The following GAREM1 variants were observed in gnomAD, a reference collection of about 807,000 sequenced individuals.
GAREM1 encodes the protein GRB2 associated regulator of MAPK1 subtype 1.
In GAREM1, 26 loss-of-function variants were observed where a neutral mutation model predicts 71.3. The ratio of observed to expected loss-of-function variants is 0.36; its 90% CI spans 0.27 to 0.51. The LOEUF (loss-of-function observed/expected upper bound fraction) is 0.51, where lower values mean the gene tolerates loss of function less well. Ranked by LOEUF, GAREM1 falls within the 20% of genes least tolerant of loss-of-function variation. The probability of loss-of-function intolerance (pLI) is 0.95; values close to 1 mark genes in which losing one functional copy is unlikely to be tolerated. For synonymous variants in GAREM1, 440 were observed against 433.2 expected (o/e 1.02, Z -0.20); for missense variants, 1,026 against 1,103.1 (o/e 0.93, Z 0.99).
At chr18:32,381,484 T>C (rs2144642119) in intron 2 of GAREM1, among the ~76,000 whole-genome samples, 1 of 152,336 alleles carries the variant, frequency 6.6e-6, no homozygotes, top group Middle Eastern at 3.4e-3. Context: ...CTCAGAATTA[T>C]CTTTTGCTCC....
Position 32,435,428 on chromosome 18 carries a change from C to T in GAREM1, c.121+34880G>A, listed in dbSNP as rs904131999. On this transcript the variant is annotated intron_variant, in intron 1 of 5. Transcript: ENST00000269209. ...CTCTATTTTTCTAATTCCTTTAAGG[C>T]TAAAATTATTTCAAAATAAAAAGCT... Among the ~76,000 whole-genome samples the T allele has an allele frequency of 8.5e-5, 13 of 152,098 alleles. No homozygotes were observed. In the East Asian group the frequency reaches 2.3e-3, roughly 27 times the overall value.
At chr18:32,277,094 G>A (rs1025765658) in intron 4 of GAREM1, among the ~76,000 whole-genome samples, 1 of 152,154 alleles carries the variant, frequency 6.6e-6, no homozygotes, top group African/African-American at 2.4e-5. Flanking sequence ...TAGCAAATGA[G>A]GCGTGAGTCA....
At chr18:32,363,018 G>C (rs547021196) in intron 2 of GAREM1, among the ~76,000 whole-genome samples, 2 of 152,062 alleles carry the variant, frequency 1.3e-5, no homozygotes, top group African/African-American at 4.8e-5. Flanking sequence ...GCTTAAATTG[G>C]GGTAAACTAA....
At chr18:32,431,749 T>C (rs1247718546) in intron 1 of GAREM1, among the ~76,000 whole-genome samples, 1 of 152,076 alleles carries the variant, frequency 6.6e-6, no homozygotes, top group Non-Finnish European at 1.5e-5. Flanking sequence ...AAGAAATCCA[T>C]GCCCTTACAC....
In GAREM1 at chr18:32,319,029, G is replaced by A. The variant is rs2144534808; in HGVS notation, c.263-8706C>T. On this transcript the variant is annotated intron_variant, in intron 2 of 5. Coordinates refer to ENST00000269209, the MANE Select transcript of GAREM1 (RefSeq NM_001242409.2). ...GGGGAGGGTCCAGGTCTGTGATTCA[G>A]TGTGGTACCTCCAGCATCATACCAC... Among the ~76,000 whole-genome samples, 3 of 152,336 alleles carry A rather than the reference G, an allele frequency of 2.0e-5. No individual in the cohort carries two copies. The South Asian group carries it at 6.2e-4, about 32-fold the overall frequency.
chr18:32,354,898 C>T (rs1263844873), intron 2 of GAREM1, among the ~76,000 whole-genome samples: 1 of 152,198 alleles, frequency 6.6e-6, no homozygotes, highest in Non-Finnish European at 1.5e-5. Context: ...ACCACTGTGT[C>T]AGTGAACTCT....
intron 5 of GAREM1, among the ~76,000 whole-genome samples, 164 bp downstream of exon 5, chr18:32,270,053 A>AG (rs2144413898): frequency 6.6e-6 from 1 of 152,264 alleles, no homozygotes; most frequent in African/African-American, 2.4e-5. Flanking sequence ...CGAAACAAAC[A>AG]GGGGCCCCAT....
intron 1 of GAREM1, among the ~76,000 whole-genome samples, chr18:32,396,357 TGAGCTAAAG>T (rs1205676257): frequency 6.6e-6 from 1 of 152,258 alleles, no homozygotes; most frequent in East Asian, 1.9e-4. Context: ...CAAACTTCTC[TGAGCTAAAG>T]GAGGAAGTTC....
intron 4 of GAREM1, among the ~76,000 whole-genome samples, chr18:32,280,911 G>C (rs534996699): frequency 5.7e-4 from 87 of 152,280 alleles, no homozygotes; most frequent in African/African-American, 1.9e-3. Flanking sequence ...TATGTACCTG[G>C]AAAGTGTGAC....
chr18:32,360,935 C>T (rs1031982938), intron 2 of GAREM1, among the ~76,000 whole-genome samples: 14 of 152,122 alleles, frequency 9.2e-5, no homozygotes, highest in Non-Finnish European at 1.2e-4. Flanking sequence ...TTGCCTCAGA[C>T]GTTAAAAACA....
At chr18:32,465,826 C>A (rs1257811657) in intron 1 of GAREM1, among the ~76,000 whole-genome samples, 1 of 152,186 alleles carries the variant, frequency 6.6e-6, no homozygotes, top group Non-Finnish European at 1.5e-5. Flanking sequence ...CGTTGGACAT[C>A]CATCCTGTGA....
intron 2 of GAREM1, among the ~76,000 whole-genome samples, chr18:32,377,213 A>T (rs560518822): frequency 2.6e-5 from 4 of 152,300 alleles, no homozygotes; most frequent in African/African-American, 7.2e-5. Flanking sequence ...GCCACAGAAG[A>T]GAAGAAATTA....
At chr18:32,401,117 C>G (rs1250711194) in intron 1 of GAREM1, among the ~76,000 whole-genome samples, 2 of 151,926 alleles carry the variant, frequency 1.3e-5, no homozygotes, top group African/African-American at 4.8e-5. Context: ...TAGGTAGGAA[C>G]TGAACAATGA....
rs1200514934 is a variant in GAREM1, at chr18:32,266,595, A to T, written c.*1276T>A. The stretch of plus-strand genomic sequence containing the variant: ...AAAATTCTCAGACTAATGTAAAAGT[A>T]TGGTAATAATGTATTTTCTTTGAAA... On this transcript the variant is annotated 3_prime_UTR_variant, in exon 6 of 6. Coordinates refer to ENST00000269209, the MANE Select transcript of GAREM1 (RefSeq NM_001242409.2). 6.6e-6 allele frequency: 1 copy of T among 152,244 alleles called. No homozygotes were observed. The highest frequency in any genetic ancestry group is 1.9e-4 in the East Asian group (1 of 5,204). The allele number at this position is 152,244 out of a possible 1,614,324, so 9.4% of individuals were successfully genotyped here.
chr18:32,274,978 TA>T (rs896783865), intron 4 of GAREM1, among the ~76,000 whole-genome samples: 3 of 150,970 alleles, frequency 2.0e-5, no homozygotes, highest in Non-Finnish European at 2.9e-5. Flanking sequence ...AAAAGGCACT[TA>T]AAAAAACCCA....
At chr18:32,345,706 C>T (rs2144582997) in intron 2 of GAREM1, among the ~76,000 whole-genome samples, 1 of 152,274 alleles carries the variant, frequency 6.6e-6, no homozygotes, top group East Asian at 1.9e-4. Context: ...ATTCACATCG[C>T]TAAGCTGATG....
At chr18:32,298,636 A>C (rs558976599) in intron 3 of GAREM1, among the ~76,000 whole-genome samples, 58 of 152,278 alleles carry the variant, frequency 3.8e-4, no homozygotes, top group African/African-American at 1.3e-3. Context: ...CTGACGTAAA[A>C]TTTTAAGCTT....
chr18:32,440,802 C>T (rs2048728655), intron 1 of GAREM1, among the ~76,000 whole-genome samples: 2 of 152,200 alleles, frequency 1.3e-5, no homozygotes, highest in Admixed American at 1.3e-4. Context: ...AATACATGGA[C>T]ATCTGCAGCT....
At chr18:32,420,390 T>A (rs1310346149) in intron 1 of GAREM1, among the ~76,000 whole-genome samples, 1 of 150,706 alleles carries the variant, frequency 6.6e-6, no homozygotes, top group African/African-American at 2.4e-5. Flanking sequence ...TGCTGGCCAC[T>A]GATATTGAGG....
Sources: allele counts gnomAD v4.1 joint callset (sites outside exome capture counted in the v4.1 genomes callset), GRCh38; gene constraint gnomAD v4.1.1; transcripts MANE v1.5; gene names NCBI Gene and HGNC (gene_info 2026-07-23, HGNC 2026-07-21).